The following ADAMTS19 variants were observed in gnomAD, a reference collection of about 807,000 sequenced individuals.
ADAMTS19 encodes the protein ADAM metallopeptidase with thrombospondin type 1 motif 19.
ADAMTS19 carries 93 observed loss-of-function variants against 153.3 expected under a neutral mutation model. The observed-to-expected ratio is 0.61, with a 90% CI of 0.51 to 0.72. The LOEUF (loss-of-function observed/expected upper bound fraction) is 0.72, where lower values mean the gene tolerates loss of function less well. ADAMTS19 is among the 30% of genes least tolerant of loss of function. The pLI is 0.00. For synonymous variants in ADAMTS19, 600 were observed against 556.6 expected (o/e 1.08, Z -1.10); for missense variants, 1,482 against 1,552.1 (o/e 0.95, Z 0.76).
chr5:129,682,291 G>A (rs981386962), intron 17 of ADAMTS19, among the ~76,000 whole-genome samples: 48 of 152,298 alleles, frequency 3.2e-4, no homozygotes, highest in African/African-American at 8.7e-4. Flanking sequence ...CAGATTGAAG[G>A]ACTGTACTGA....
chr5:129,524,704 G>T (rs548893935), intron 3 of ADAMTS19, among the ~76,000 whole-genome samples: 1 of 150,548 alleles, frequency 6.6e-6, no homozygotes, highest in South Asian at 2.1e-4. Context: ...CACAGCACAT[G>T]TACACCTATG....
rs111470202 is a variant in ADAMTS19, at chr5:129,608,353, G to T, written c.1478+11689G>T. On this transcript the variant is annotated intron_variant, in intron 8 of 22. Transcript: ENST00000274487. ...CCAGGAGCTGTAGGATGAGGGGAAT[G>T]GGGAGATACTGGTCAAAGGGTACAA... is the stretch of plus-strand genomic sequence containing the variant. 1.5e-3 allele frequency among the ~76,000 whole-genome samples: 235 copies of T among 151,650 alleles called. 1 individual carries two copies. Among genetic ancestry groups the T allele is most frequent in the African/African-American group, 5.3e-3 (218 of 41,372 alleles).
chr5:129,567,149 C>T (rs1753745622), intron 7 of ADAMTS19, among the ~76,000 whole-genome samples: 1 of 151,976 alleles, frequency 6.6e-6, no homozygotes, highest in African/African-American at 2.4e-5. Context: ...AATGCAAAGG[C>T]CTTGAAAATT....
At position 129,460,310 on chromosome 5, in the gene ADAMTS19, C is replaced by G; in HGVS notation, c.-82C>G. 8.1e-7 allele frequency: 1 copy of G among 1,231,124 alleles called. No homozygotes were observed. The allele number at this position is 1,231,124 out of a possible 1,614,324, so 76.3% of individuals were successfully genotyped here. On this transcript the variant is annotated 5_prime_UTR_variant, in exon 1 of 23. Transcript: ENST00000274487. The stretch of plus-strand genomic sequence containing the variant: ...AAATTCGCCGCCCGGCCTCCTAGCG[C>G]TCCGGGGAGGCCGCTGCGCCCCGGA...
intron 8 of ADAMTS19, among the ~76,000 whole-genome samples, chr5:129,611,758 C>G (rs1249432409): frequency 6.6e-6 from 1 of 151,670 alleles, no homozygotes; most frequent in Admixed American, 6.6e-5. Context: ...GAAAGATACT[C>G]CTCGAGAAGA....
chr5:129,729,949 C>A (rs1289522134), intron 21 of ADAMTS19, among the ~76,000 whole-genome samples: 2 of 152,048 alleles, frequency 1.3e-5, no homozygotes, highest in Non-Finnish European at 2.9e-5. Context: ...GTGAGCTCAT[C>A]TTTCTAAGCC....
chr5:129,648,001 C>T, intron 12 of ADAMTS19, 106 bp downstream of exon 12: 3 of 1,278,014 alleles, frequency 2.3e-6, no homozygotes, highest in Middle Eastern at 2.5e-4. Flanking sequence ...TCAAACTCTA[C>T]TCACGTTGGA....
In ADAMTS19 at chr5:129,620,777, GT is replaced by G. The variant is rs1020358838; in HGVS notation, c.1619+24del. The stretch of plus-strand genomic sequence containing the variant: ...TTCTCAGGTATGGAGGTCACTTATT[GT>G]TTTTGCCTTGTGAATGATTATGTGT... On this transcript the variant is annotated intron_variant, in intron 9 of 22. Transcript: ENST00000274487. 5 of 1,608,598 alleles carry G rather than the reference GT, an allele frequency of 3.1e-6. No homozygotes were observed. Among genetic ancestry groups the G allele is most frequent in the Non-Finnish European group, 4.2e-6 (5 of 1,177,110 alleles).
intron 21 of ADAMTS19, among the ~76,000 whole-genome samples, chr5:129,707,540 T>G (rs1756223840): frequency 6.6e-6 from 1 of 152,198 alleles, no homozygotes; most frequent in Non-Finnish European, 1.5e-5. Context: ...GACATTACTT[T>G]CATGTTAAAA....
At chr5:129,532,592 C>T (rs1425956947) in intron 6 of ADAMTS19, among the ~76,000 whole-genome samples, 1 of 152,110 alleles carries the variant, frequency 6.6e-6, no homozygotes, top group African/African-American at 2.4e-5. Context: ...TAGATATTTA[C>T]TTAAGAAAAA....
At chr5:129,627,586 G>T (rs552531981) in intron 10 of ADAMTS19, among the ~76,000 whole-genome samples, 1 of 149,080 alleles carries the variant, frequency 6.7e-6, no homozygotes, top group African/African-American at 2.4e-5. Flanking sequence ...AGAATGGGAG[G>T]AACTTAAACA....
chr5:129,535,434 A>G (rs893549086), intron 6 of ADAMTS19, among the ~76,000 whole-genome samples: 3 of 152,218 alleles, frequency 2.0e-5, no homozygotes, highest in Admixed American at 6.5e-5. Flanking sequence ...ATGGAAGAAC[A>G]TTCCATGCTT....
intron 8 of ADAMTS19, among the ~76,000 whole-genome samples, chr5:129,596,959 A>G (rs1268549503): frequency 6.6e-6 from 1 of 152,180 alleles, no homozygotes; most frequent in Non-Finnish European, 1.5e-5. Context: ...ATATTTCCAT[A>G]ATCTTGAGAC....
chr5:129,559,627 C>T (rs1217669984), intron 7 of ADAMTS19, among the ~76,000 whole-genome samples: 2 of 152,104 alleles, frequency 1.3e-5, no homozygotes, highest in Non-Finnish European at 2.9e-5. Flanking sequence ...TACAACTTGA[C>T]GTCATTAATT....
intron 21 of ADAMTS19, among the ~76,000 whole-genome samples, chr5:129,720,175 T>TATATATATATATATATATATA (rs1184615168): frequency 3.4e-5 from 4 of 116,526 alleles, no homozygotes; most frequent in African/African-American, 1.6e-4. Context: ...TATATATTTA[T>TATATATATATATATATATATA]TTTTTTTTTT....
In ADAMTS19 at chr5:129,674,659, C is replaced by T. The variant is rs1243755717; in HGVS notation, c.2507-5105C>T. 2.6e-5 allele frequency among the ~76,000 whole-genome samples: 4 copies of T among 152,064 alleles called. No homozygotes were observed. The East Asian group carries it at 7.7e-4, about 29-fold the overall frequency. On this transcript the variant is annotated intron_variant, in intron 16 of 22. Coordinates refer to ENST00000274487, the MANE Select transcript of ADAMTS19 (RefSeq NM_133638.6). Reference sequence around the variant, plus strand: ...TATACCACTTTATATATAATGTAAGCTCCTTAAAACAGTATACTCCTCTTT... The same window carrying T: ...TATACCACTTTATATATAATGTAAGTTCCTTAAAACAGTATACTCCTCTTT...
chr5:129,576,249 T>C (rs1014820106), intron 7 of ADAMTS19, among the ~76,000 whole-genome samples: 11 of 152,068 alleles, frequency 7.2e-5, no homozygotes, highest in African/African-American at 2.7e-4. Context: ...CTCCTTTCTT[T>C]CACTTTTTCT....
intron 8 of ADAMTS19, among the ~76,000 whole-genome samples, chr5:129,603,291 G>C (rs1346226028): frequency 6.6e-6 from 1 of 152,074 alleles, no homozygotes; most frequent in African/African-American, 2.4e-5. Context: ...TTTATCTTTG[G>C]CCTGAAAGGT....
At chr5:129,628,143 C>G (rs1752137081) in intron 10 of ADAMTS19, among the ~76,000 whole-genome samples, 1 of 152,060 alleles carries the variant, frequency 6.6e-6, no homozygotes, top group Non-Finnish European at 1.5e-5. Flanking sequence ...GAGACCGTGT[C>G]TTTTGCAGGA....
Sources: gnomAD v4.1 joint callset for allele counts (sites outside exome capture counted in the v4.1 genomes callset) on GRCh38, gnomAD v4.1.1 for gene constraint, MANE v1.5 for transcripts, NCBI Gene and HGNC (gene_info 2026-07-23, HGNC 2026-07-21) for gene names.